Variants in CRNKL1 observed in about 807,000 individuals in gnomAD.
CRNKL1 encodes crooked neck-like protein 1.
Under a neutral mutation model 103.7 loss-of-function variants are expected in CRNKL1, and 35 were observed. That is an observed-to-expected ratio of 0.34 (90% CI 0.26 to 0.45). The LOEUF (loss-of-function observed/expected upper bound fraction) is 0.45. Ranked by LOEUF, CRNKL1 falls within the 20% of genes least tolerant of loss-of-function variation. The pLI, the probability that CRNKL1 is intolerant of heterozygous loss-of-function variation, is 1.00. For synonymous variants in CRNKL1, 267 were observed against 282.6 expected (o/e 0.94, Z 0.55); for missense variants, 645 against 836.0 (o/e 0.77, Z 2.82).
intron 3 of CRNKL1, among the ~76,000 whole-genome samples, chr20:20,049,024 GTTTTATTTTTT>G: frequency 7.3e-6 from 1 of 137,628 alleles, no homozygotes; most frequent in African/African-American, 3.1e-5. Flanking sequence ...TTGGCCATTG[GTTTTATTTTTT>G]TTGGCCATTG....
intron 11 of CRNKL1, among the ~76,000 whole-genome samples, chr20:20,038,790 A>G (rs2043464018): frequency 6.6e-6 from 1 of 152,218 alleles, no homozygotes. Flanking sequence ...TCCAGAGAGA[A>G]AACAGGCCCA....
intron 4 of CRNKL1, 149 bp downstream of exon 4, chr20:20,048,194 A>T (rs1307861360): frequency 7.2e-6 from 7 of 973,810 alleles, no homozygotes; most frequent in Non-Finnish European, 1.1e-5. Context: ...TACGATTATG[A>T]CTTAATAGAC....
chr20:20,047,897 T>C lies in CRNKL1; in HGVS notation c.490A>G (p.Asn164Asp). The C allele has an allele frequency of 6.2e-7, 1 of 1,614,248 alleles. No homozygotes were observed. Among genetic ancestry groups the C allele is most frequent in the Non-Finnish European group, 8.5e-7 (1 of 1,180,042 alleles). The change falls in exon 5 of 14, where the codon AAC (asparagine) becomes GAC (aspartate). Residue 164 changes from asparagine (N) to aspartate (D), a missense_variant. Asn to Asp is a conservative substitution (Grantham distance 23, BLOSUM62 1). Coordinates refer to ENST00000536226, the MANE Select transcript of CRNKL1 (RefSeq NM_001278628.2). The part of the protein sequence containing the change: ...KYTYMEEMLG[N>D]VAGARQVFER... ...AACACCTGCCGGGCACCGGCAACGT[T>C]TCCCAACATTTCCTCCATGTACGTG... is the stretch of plus-strand genomic sequence containing the variant.
chr20:20,052,659 C>G, upstream of CRNKL1: 1 of 1,613,378 alleles, frequency 6.2e-7, no homozygotes, highest in South Asian at 1.1e-5. Flanking sequence ...GGCGCATCCC[C>G]AGGTCAGCCT....
intron 9 of CRNKL1, 74 bp from the exon 10 acceptor site, chr20:20,040,840 A>T: frequency 9.4e-7 from 1 of 1,063,386 alleles, no homozygotes; most frequent in South Asian, 1.4e-5. Context: ...ATTAATTTAA[A>T]TTAACCAAAG....
chr20:20,054,670 T>A (rs1027150067), upstream of CRNKL1, among the ~76,000 whole-genome samples: 1 of 152,232 alleles, frequency 6.6e-6, no homozygotes, highest in African/African-American at 2.4e-5. Flanking sequence ...AAGCTTAATG[T>A]ATTTATTCTC....
chr20:20,055,923 A>G (rs1262578484), upstream of CRNKL1: 4 of 1,556,316 alleles, frequency 2.6e-6, no homozygotes, highest in Admixed American at 1.7e-5. Flanking sequence ...AATGAGAGAG[A>G]AATTGAAATC....
chr20:20,052,795 A>C, upstream of CRNKL1: 1 of 1,427,454 alleles, frequency 7.0e-7, no homozygotes, highest in Non-Finnish European at 9.4e-7. Flanking sequence ...CGAGGAAACT[A>C]CCATTCCCAG....
chr20:20,037,585 T>C lies in CRNKL1; in HGVS notation c.1648-14A>G. Reference sequence around the variant, plus strand: ...GCTGATCCATACCTTTAAAAAAAGTTATTATTGAACCAAATTAACCATATC... The same window carrying C: ...GCTGATCCATACCTTTAAAAAAAGTCATTATTGAACCAAATTAACCATATC... On this transcript the variant is annotated splice_polypyrimidine_tract_variant and intron_variant, in intron 12 of 13. Transcript: ENST00000536226. The C allele has an allele frequency of 6.2e-7, 1 of 1,608,180 alleles. No individual in the cohort carries two copies. Among genetic ancestry groups the C allele is most frequent in the Non-Finnish European group, 8.5e-7 (1 of 1,178,146 alleles).
At chr20:20,038,142 C>T (rs1295869703) in intron 12 of CRNKL1, among the ~76,000 whole-genome samples, 1 of 150,170 alleles carries the variant, frequency 6.7e-6, no homozygotes, top group African/African-American at 2.5e-5. Context: ...AAGCTACTCA[C>T]ATGCAGCATA....
chr20:20,046,191 A>G (rs995832375), intron 5 of CRNKL1, among the ~76,000 whole-genome samples: 3 of 152,200 alleles, frequency 2.0e-5, no homozygotes, highest in Admixed American at 2.0e-4. Context: ...TATTTCCATC[A>G]GCACCTGTGA....
chr20:20,037,401 T>C lies in CRNKL1; in HGVS notation c.1818A>G (p.Thr606=). 6.2e-7 allele frequency: 1 copy of C among 1,614,198 alleles called. No homozygotes were observed. The highest frequency in any genetic ancestry group is 8.5e-7 in the Non-Finnish European group (1 of 1,180,036). The change falls in exon 13 of 14, where the codon ACA becomes ACG. Residue 606 remains threonine (T), a synonymous_variant. Coordinates refer to ENST00000536226, the MANE Select transcript of CRNKL1 (RefSeq NM_001278628.2). ...TGTCTACTCTCTCCTTATCTGAAGC[T>C]GTTCCAAATTCTTCTTCAAAACTTC... is the stretch of plus-strand genomic sequence containing the variant. The part of the protein sequence containing the change: ...SWRSFEEEFG[T]ASDKERVDKL...
intron 8 of CRNKL1, 92 bp downstream of exon 8, chr20:20,042,233 C>A: frequency 8.4e-7 from 1 of 1,196,722 alleles, no homozygotes; most frequent in Non-Finnish European, 1.1e-6. Flanking sequence ...AAATTTCCTT[C>A]TTTCAAGAAT....
chr20:20,048,076 T>C (rs547766029), intron 4 of CRNKL1, 145 bp from the exon 5 acceptor site: 80 of 1,153,970 alleles, frequency 6.9e-5, no homozygotes, highest in Non-Finnish European at 8.7e-5. Flanking sequence ...GGATGAACCA[T>C]TGGAAAAAAA....
chr20:20,047,702 T>C (rs2043615275), intron 5 of CRNKL1, 63 bp downstream of exon 5: 3 of 1,534,806 alleles, frequency 2.0e-6, no homozygotes, highest in African/African-American at 1.4e-5. Flanking sequence ...GAGACATCTC[T>C]ACAGGAGCAG....
At chr20:20,051,910 C>G (rs1451092097) in intron 1 of CRNKL1, among the ~76,000 whole-genome samples, 1 of 152,132 alleles carries the variant, frequency 6.6e-6, no homozygotes, top group Non-Finnish European at 1.5e-5. Flanking sequence ...CTTATTCACG[C>G]CCATGGCATA....
intron 5 of CRNKL1, 43 bp downstream of exon 5, chr20:20,047,722 C>T (rs1224164680): frequency 2.5e-6 from 4 of 1,586,224 alleles, no homozygotes; most frequent in Admixed American, 1.7e-5. Context: ...GCAGCAGCAT[C>T]CAGGACAATC....
At chr20:20,041,744 C>G (rs956314092) in intron 8 of CRNKL1, 119 bp from the exon 9 acceptor site, 7 of 691,420 alleles carry the variant, frequency 1.0e-5, no homozygotes, top group Non-Finnish European at 1.7e-5. Context: ...GCATGTTTCA[C>G]AAGTTGTTAC....
At chr20:20,048,303 C>G in intron 4 of CRNKL1, 40 bp downstream of exon 4, 1 of 1,604,148 alleles carries the variant, frequency 6.2e-7, no homozygotes, top group Non-Finnish European at 8.5e-7. Flanking sequence ...TGGAACTTTG[C>G]TAGTCTATAA....
Sources: gnomAD v4.1 joint callset for allele counts (sites outside exome capture counted in the v4.1 genomes callset) on GRCh38, gnomAD v4.1.1 for gene constraint, MANE v1.5 for transcripts, NCBI Gene and HGNC (gene_info 2026-07-23, HGNC 2026-07-21) for gene names.